The following FBN2 variants were observed in gnomAD, a reference collection of about 807,000 sequenced individuals.
FBN2 encodes fibrillin-2.
A neutral mutation model predicts 355.6 loss-of-function variants in FBN2; 105 were observed. The observed-to-expected ratio is 0.30, with a 90% confidence interval of 0.25 to 0.35. The LOEUF is 0.35. Among genes scored for constraint, FBN2 ranks in the 10% least tolerant of loss-of-function variants. The pLI is 1.00. For missense variants in FBN2, 3,280 were observed against 3,758.7 expected (o/e 0.87, Z 3.33); for synonymous variants, 1,350 against 1,301.2 (o/e 1.04, Z -0.81).
At chr5:128,456,007 A>AAAAAAAAAAAAAAAAAAAAAAG (rs1754380172) in intron 6 of FBN2, among the ~76,000 whole-genome samples, 1 of 144,146 alleles carries the variant, frequency 6.9e-6, no homozygotes, top group African/African-American at 2.6e-5. Flanking sequence ...AAAAAAAAAA[A>AAAAAAAAAAAAAAAAAAAAAAG]AAAAAAAAAA....
intron 62 of FBN2, among the ~76,000 whole-genome samples, chr5:128,269,551 T>C (rs1340465883): frequency 1.3e-5 from 2 of 151,120 alleles, no homozygotes; most frequent in Non-Finnish European, 2.9e-5. Flanking sequence ...ACAAAATCAA[T>C]GTGCAAGAAT....
rs151048157 is a variant in FBN2, at chr5:128,410,028, T to C, written c.953-1229A>G. On this transcript the variant is annotated intron_variant, in intron 7 of 64. Coordinates refer to ENST00000262464, the MANE Select transcript of FBN2 (RefSeq NM_001999.4). ...CTATACGCTGTGTGTCTTCTTGGCA[T>C]GTTCTTATAAAAAAAGTTACCAGAT... Among the ~76,000 whole-genome samples the C allele has an allele frequency of 1.5e-4, 23 of 152,316 alleles. No individual in the cohort carries two copies. The East Asian group carries it at 2.5e-3, about 17-fold the overall frequency.
chr5:128,305,674 T>C (rs376709005), intron 43 of FBN2, 38 bp from the exon 44 acceptor site: 321 of 1,611,386 alleles, frequency 2.0e-4, no homozygotes, highest in Non-Finnish European at 2.6e-4. Flanking sequence ...GAGTCCTTTT[T>C]AGTATTGTAT....
At chr5:128,345,791 C>G (rs973834270) in intron 23 of FBN2, among the ~76,000 whole-genome samples, 2 of 152,160 alleles carry the variant, frequency 1.3e-5, no homozygotes, top group African/African-American at 4.8e-5. Context: ...AGTCTTAATT[C>G]TCACAAGAAA....
chr5:128,402,306 T>G (rs1223089789), intron 8 of FBN2, among the ~76,000 whole-genome samples: 1 of 152,138 alleles, frequency 6.6e-6, no homozygotes, highest in East Asian at 1.9e-4. Context: ...TTGCTATATG[T>G]TTAACTGTAG....
At chr5:128,457,079 T>C (rs1754414127) in intron 6 of FBN2, among the ~76,000 whole-genome samples, 1 of 152,134 alleles carries the variant, frequency 6.6e-6, no homozygotes, top group Admixed American at 6.5e-5. Flanking sequence ...AATTGCTAAC[T>C]AGAATAACCA....
At chr5:128,455,565 AAAAC>A in intron 6 of FBN2, among the ~76,000 whole-genome samples, 1 of 152,258 alleles carries the variant, frequency 6.6e-6, no homozygotes, top group Non-Finnish European at 1.5e-5. Flanking sequence ...CCATCAAAAA[AAAAC>A]AAAGAGTGTG....
rs1581310636 is a variant in FBN2 at position 128,453,401 on chromosome 5, G to T, written c.827-6795C>A. Reference sequence around the variant, plus strand: ...TTTCCTCTGCTACTACCCGGTCTCAGCCTCCATCATATAGCACCTGGACTA... The same window carrying T: ...TTTCCTCTGCTACTACCCGGTCTCATCCTCCATCATATAGCACCTGGACTA... On this transcript the variant is annotated intron_variant, in intron 6 of 64. Transcript: ENST00000262464. Among the ~76,000 whole-genome samples the T allele has an allele frequency of 1.3e-5, 2 of 152,148 alleles. 1 individual carries two copies.
intron 51 of FBN2, 63 bp from the exon 52 acceptor site, chr5:128,289,315 G>C: frequency 6.4e-7 from 1 of 1,569,244 alleles, no homozygotes; most frequent in East Asian, 2.2e-5. Flanking sequence ...AGGCGCAGTG[G>C]CTCATGCTTA....
At chr5:128,431,111 T>C (rs879845395) in intron 7 of FBN2, among the ~76,000 whole-genome samples, 1 of 152,118 alleles carries the variant, frequency 6.6e-6, no homozygotes, top group Non-Finnish European at 1.5e-5. Flanking sequence ...AGAAGTAATA[T>C]AACGAAGAGT....
intron 5 of FBN2, among the ~76,000 whole-genome samples, chr5:128,483,521 C>CT (rs1056312187): frequency 2.3e-4 from 34 of 150,990 alleles, no homozygotes; most frequent in Admixed American, 3.3e-4. Context: ...TTTTTTAAAT[C>CT]TTGCAAGAGG....
intron 7 of FBN2, among the ~76,000 whole-genome samples, chr5:128,411,052 C>T (rs1201752100): frequency 1.3e-5 from 2 of 152,178 alleles, no homozygotes; most frequent in South Asian, 4.1e-4. Context: ...TTCCCTCGAG[C>T]CCCTCACAGG....
At chr5:128,497,700 G>T (rs1231084205) in intron 5 of FBN2, among the ~76,000 whole-genome samples, 2 of 152,124 alleles carry the variant, frequency 1.3e-5, no homozygotes, top group Non-Finnish European at 2.9e-5. Context: ...AGTGGAAGAG[G>T]TGGAGCCATA....
chr5:128,502,983 C>G (rs189260965), intron 5 of FBN2, among the ~76,000 whole-genome samples: 1 of 152,158 alleles, frequency 6.6e-6, no homozygotes, highest in South Asian at 2.1e-4. Context: ...TTCCTGACTT[C>G]CCAGCTGATG....
chr5:128,341,176 C>G (rs469070), intron 25 of FBN2, among the ~76,000 whole-genome samples: 44,680 of 152,056 alleles, frequency 0.29, 6,921 homozygotes, highest in Non-Finnish European at 0.34. Flanking sequence ...GCAGCCCTGT[C>G]AATGTGTTAG....
At chr5:128,498,638 T>C (rs1479525879) in intron 5 of FBN2, among the ~76,000 whole-genome samples, 2 of 152,248 alleles carry the variant, frequency 1.3e-5, no homozygotes, top group East Asian at 3.8e-4. Flanking sequence ...TATACTTATT[T>C]ATAGCTTTGT....
chr5:128,307,474 T>A (rs1749915821), intron 41 of FBN2, among the ~76,000 whole-genome samples: 1 of 152,058 alleles, frequency 6.6e-6, no homozygotes, highest in African/African-American at 2.4e-5. Flanking sequence ...AGATTCAAAA[T>A]GTCCATTTAG....
intron 5 of FBN2, among the ~76,000 whole-genome samples, chr5:128,500,654 C>T (rs1361555846): frequency 5.3e-5 from 8 of 151,736 alleles, no homozygotes. Context: ...CCATGTTAGC[C>T]AGGATGGTCT....
At chr5:128,412,487 C>T (rs1435646512) in intron 7 of FBN2, among the ~76,000 whole-genome samples, 1 of 152,206 alleles carries the variant, frequency 6.6e-6, no homozygotes, top group African/African-American at 2.4e-5. Flanking sequence ...ATGCCTCTGG[C>T]CAGGAAAATG....
Sources: gnomAD v4.1 joint callset for allele counts (sites outside exome capture counted in the v4.1 genomes callset) on GRCh38, gnomAD v4.1.1 for gene constraint, MANE v1.5 for transcripts, NCBI Gene and HGNC (gene_info 2026-07-23, HGNC 2026-07-21) for gene names.